Variants in DMD observed in about 807,000 individuals in gnomAD.
DMD encodes the protein mutant dystrophin.
A neutral mutation model predicts 330.1 loss-of-function variants in DMD; 63 were observed. The observed-to-expected ratio is 0.19, with a 90% CI of 0.16 to 0.24. The LOEUF is 0.24. Among genes scored for constraint, DMD ranks in the 10% least tolerant of loss-of-function variants. The pLI is 1.00. For synonymous variants in DMD, 1,223 were observed against 959.8 expected (o/e 1.27, Z -5.07); for missense variants, 3,344 against 2,684.1 (o/e 1.25, Z -5.43).
rs777955346 is a variant in DMD at position 32,529,379 on chromosome X, CTTTTTTTTTTTTTTTT to C, written c.2169-11264_2169-11249del. On this transcript the variant is annotated intron_variant, in intron 17 of 78. Coordinates refer to ENST00000357033, the MANE Select transcript of DMD (RefSeq NM_004006.3). ...CGAATTCCACCTTGGCAAAAATCAA[CTTTTTTTTTTTTTTTT>C]TTTTTTTTTTTTTTTTTTTTTGAGA... Among the ~76,000 whole-genome samples, 70 of 31,064 alleles carry C rather than the reference CTTTTTTTTTTTTTTTT, an allele frequency of 2.3e-3. 1 individual carries two copies. Among genetic ancestry groups the C allele is most frequent in the African/African-American group, 6.5e-3 (45 of 6,922 alleles). The allele number at this position is 31,064 out of a possible 115,157, so 27.0% of individuals were successfully genotyped here. A position where few individuals can be genotyped will look rare whatever the true frequency, so the allele number is the denominator to read the frequency against.
At chrX:32,064,075 G>A (rs1294104513) in intron 44 of DMD, among the ~76,000 whole-genome samples, 1 of 110,799 alleles carries the variant, frequency 9.0e-6, no homozygotes, top group Non-Finnish European at 1.9e-5. Context: ...TATTCTCAAC[G>A]AATGAATTAT....
chrX:32,657,352 T>C (rs748060444), intron 9 of DMD, among the ~76,000 whole-genome samples: 1 of 112,197 alleles, frequency 8.9e-6, no homozygotes, highest in Non-Finnish European at 1.9e-5. Flanking sequence ...AGCAAGTTTA[T>C]AATAAAATTT....
intron 9 of DMD, among the ~76,000 whole-genome samples, chrX:32,659,254 C>G (rs149085238): frequency 0.013 from 1,495 of 111,952 alleles, 21 homozygotes; most frequent in African/African-American, 0.046. Flanking sequence ...ATCCCGTTAC[C>G]TTTCACATAT....
At chrX:32,861,936 C>T (rs1342230473) in intron 2 of DMD, among the ~76,000 whole-genome samples, 3 of 111,811 alleles carry the variant, frequency 2.7e-5, no homozygotes, top group Non-Finnish European at 5.6e-5. Context: ...TGAAGGCCTA[C>T]GTGTTACTTC....
chrX:32,335,992 GT>G (rs1405331814), intron 41 of DMD, among the ~76,000 whole-genome samples: 5 of 27,637 alleles, frequency 1.8e-4, no homozygotes, highest in South Asian at 2.0e-3. Context: ...TATATATAAC[GT>G]GTATATATAA....
chrX:31,802,999 G>A (rs2149355799), intron 50 of DMD, among the ~76,000 whole-genome samples: 1 of 111,701 alleles, frequency 9.0e-6, no homozygotes, highest in African/African-American at 3.3e-5. Context: ...AATGCTTATG[G>A]ACCATGGGGA....
rs184860608 is a variant in DMD, at chrX:31,602,491, C to T, written c.8217+25182G>A. Among the ~76,000 whole-genome samples the T allele has an allele frequency of 8.9e-4, 99 of 110,781 alleles. 1 individual carries two copies. The highest frequency in any genetic ancestry group is 2.7e-3 in the African/African-American group (81 of 30,516). On this transcript the variant is annotated intron_variant, in intron 55 of 78. Transcript: ENST00000357033. ...AAAGTACATGGCCCTTAAATTTTGG[C>T]GGTTCCTTTAAAATTTAGTTCAAAA...
At chrX:31,313,937 G>A (rs1358636365) in intron 62 of DMD, among the ~76,000 whole-genome samples, 1 of 110,144 alleles carries the variant, frequency 9.1e-6, no homozygotes, top group African/African-American at 3.3e-5. Flanking sequence ...TGGTTCAAGG[G>A]ATTCCCCTGC....
intron 1 of DMD, among the ~76,000 whole-genome samples, chrX:33,314,501 G>A (rs1257519700): frequency 2.9e-5 from 3 of 104,686 alleles, no homozygotes; most frequent in African/African-American, 7.1e-5. Flanking sequence ...CATGTGATCC[G>A]TCCACCTTGG....
At chrX:31,298,980 G>GAAACA (rs1379124342) in intron 62 of DMD, among the ~76,000 whole-genome samples, 1 of 111,362 alleles carries the variant, frequency 9.0e-6, no homozygotes, top group East Asian at 2.8e-4. Flanking sequence ...CTTTTTTTGG[G>GAAACA]AAACAAAACA....
intron 2 of DMD, among the ~76,000 whole-genome samples, chrX:32,986,089 C>T (rs1471650964): frequency 8.9e-6 from 1 of 111,820 alleles, no homozygotes; most frequent in African/African-American, 3.2e-5. Flanking sequence ...GAGATAATAG[C>T]ATCACACTGC....
chrX:31,923,438 T>G (rs1436564360), intron 47 of DMD, among the ~76,000 whole-genome samples: 1 of 111,176 alleles, frequency 9.0e-6, no homozygotes, highest in Non-Finnish European at 1.9e-5. Context: ...AGATAGCTCT[T>G]GAATAAATAA....
intron 9 of DMD, among the ~76,000 whole-genome samples, chrX:32,667,495 AAAT>A (rs1191364792): frequency 4.5e-5 from 5 of 112,021 alleles, no homozygotes; most frequent in African/African-American, 1.6e-4. Context: ...AAGGGAGTAC[AAAT>A]ATTATATTTA....
chrX:31,867,660 T>C (rs1159207077), intron 48 of DMD, among the ~76,000 whole-genome samples: 1 of 111,612 alleles, frequency 9.0e-6, no homozygotes, highest in African/African-American at 3.3e-5. Context: ...GAAGAGATGC[T>C]GAACCTTGAC....
At chrX:31,843,352 T>C (rs753811246) in intron 48 of DMD, among the ~76,000 whole-genome samples, 23 of 112,027 alleles carry the variant, frequency 2.1e-4, no homozygotes, top group African/African-American at 6.2e-4. Context: ...AATGTTCCCT[T>C]TTCTCTGCAG....
In DMD at chrX:33,096,501, C is replaced by CTT. The variant is rs752228692; in HGVS notation, c.32-76303_32-76302dup. Among the ~76,000 whole-genome samples, 28 of 93,690 alleles carry CTT rather than the reference C, an allele frequency of 3.0e-4. 1 individual carries two copies. The highest frequency in any genetic ancestry group is 4.3e-4 in the Non-Finnish European group (20 of 46,158). 81.4% of individuals were successfully genotyped at this position (93,690 alleles called of 115,157 possible). A position where few individuals can be genotyped will look rare whatever the true frequency, so the allele number is the denominator to read the frequency against. Reference sequence around the variant, plus strand: ...AAGCCATGCTATATTTTGGAGACGACTTTTTTTTTTTTTATTTTTTTGAGA... The same window carrying CTT: ...AAGCCATGCTATATTTTGGAGACGACTTTTTTTTTTTTTTTATTTTTTTGAGA... On this transcript the variant is annotated intron_variant, in intron 1 of 78. Coordinates refer to ENST00000357033, the MANE Select transcript of DMD (RefSeq NM_004006.3).
intron 1 of DMD, among the ~76,000 whole-genome samples, chrX:33,193,492 A>G (rs1259776635): frequency 8.9e-6 from 1 of 112,216 alleles, no homozygotes; most frequent in African/African-American, 3.2e-5. Flanking sequence ...TATAGACACA[A>G]TTTTAATGGT....
intron 1 of DMD, among the ~76,000 whole-genome samples, chrX:33,155,162 C>G (rs1308253766): frequency 9.0e-6 from 1 of 111,598 alleles, no homozygotes; most frequent in East Asian, 2.8e-4. Context: ...TAATATTCCT[C>G]TCTTCTTCTC....
chrX:33,324,058 A>C (rs2054053458), intron 1 of DMD, among the ~76,000 whole-genome samples: 1 of 111,379 alleles, frequency 9.0e-6, no homozygotes, highest in Non-Finnish European at 1.9e-5. Flanking sequence ...CTTCCCTGTC[A>C]GAAAAAAATG....
Sources: allele counts gnomAD v4.1 joint callset (sites outside exome capture counted in the v4.1 genomes callset), GRCh38; gene constraint gnomAD v4.1.1; transcripts MANE v1.5; gene names NCBI Gene and HGNC (gene_info 2026-07-23, HGNC 2026-07-21).